ROR1: variants seen among roughly 807,000 people sequenced by gnomAD.
ROR1 encodes the protein ROR family WNT receptor 1.
Under a neutral mutation model 78.8 loss-of-function variants are expected in ROR1, and 19 were observed. That is an observed-to-expected ratio of 0.24 (90% CI 0.17 to 0.35). The LOEUF is 0.35. ROR1 is among the 10% of genes least tolerant of loss of function. The pLI is 1.00. For synonymous variants in ROR1, 386 were observed against 433.6 expected (o/e 0.89, Z 1.36); for missense variants, 917 against 1,177.8 (o/e 0.78, Z 3.24).
intron 2 of ROR1, among the ~76,000 whole-genome samples, chr1:64,024,865 T>A (rs1646595706): frequency 6.6e-6 from 1 of 152,222 alleles, no homozygotes; most frequent in African/African-American, 2.4e-5. Flanking sequence ...TAACTAAGGT[T>A]GAATTTTTTA....
At chr1:63,926,880 A>T (rs1392811587) in intron 1 of ROR1, among the ~76,000 whole-genome samples, 103 of 85,904 alleles carry the variant, frequency 1.2e-3, no homozygotes, top group Non-Finnish European at 1.9e-3. Context: ...ACTTTGCTGA[A>T]GTTGCTTATC....
At chr1:63,876,365 C>A (rs1472465932) in intron 1 of ROR1, among the ~76,000 whole-genome samples, 2 of 152,086 alleles carry the variant, frequency 1.3e-5, no homozygotes, top group Non-Finnish European at 2.9e-5. Flanking sequence ...TACTTCCTCC[C>A]ACCCTGTGCA....
intron 1 of ROR1, among the ~76,000 whole-genome samples, chr1:63,801,446 C>G (rs1371865579): frequency 6.6e-6 from 1 of 152,050 alleles, no homozygotes; most frequent in Admixed American, 6.6e-5. Flanking sequence ...AGGCACCCAC[C>G]ACCACACCTG....
At chr1:63,848,601 G>T (rs1394414673) in intron 1 of ROR1, among the ~76,000 whole-genome samples, 2 of 151,706 alleles carry the variant, frequency 1.3e-5, no homozygotes, top group African/African-American at 4.9e-5. Flanking sequence ...TATTCTTTTT[G>T]CTTAAACTAC....
chr1:63,878,955 T>C lies in ROR1; in HGVS notation c.91+104447T>C, dbSNP rs180805111. Among the ~76,000 whole-genome samples, 702 of 152,220 alleles carry C rather than the reference T, an allele frequency of 4.6e-3. 2 individuals carry two copies. The highest frequency in any genetic ancestry group is 0.017 in the Middle Eastern group (5 of 294). On this transcript the variant is annotated intron_variant, in intron 1 of 8. Coordinates refer to ENST00000371079, the MANE Select transcript of ROR1 (RefSeq NM_005012.4). ...TTTGTTGAATAATTTCATTAATTAA[T>C]TAACCAATTAATTAATTTCCTCTAA...
chr1:63,995,414 C>T (rs568562045), intron 1 of ROR1, among the ~76,000 whole-genome samples: 1 of 152,276 alleles, frequency 6.6e-6, no homozygotes, highest in South Asian at 2.1e-4. Context: ...GAGCTGCCAA[C>T]ACAAGACCCT....
At chr1:63,846,603 A>G (rs1372349701) in intron 1 of ROR1, among the ~76,000 whole-genome samples, 2 of 152,202 alleles carry the variant, frequency 1.3e-5, no homozygotes, top group African/African-American at 2.4e-5. Context: ...ACTGAGATTA[A>G]AAGCATGATC....
intron 4 of ROR1, among the ~76,000 whole-genome samples, chr1:64,111,580 T>A (rs1451064530): frequency 6.6e-6 from 1 of 152,190 alleles, no homozygotes; most frequent in African/African-American, 2.4e-5. Context: ...CCAGTGATGT[T>A]TGCTGCCTTG....
chr1:64,101,565 T>C (rs776178530), intron 4 of ROR1, among the ~76,000 whole-genome samples: 3 of 152,164 alleles, frequency 2.0e-5, no homozygotes, highest in Non-Finnish European at 4.4e-5. Flanking sequence ...CCAGCTCCTG[T>C]TCTAAGAACG....
At chr1:64,111,718 G>T (rs1026286046) in intron 4 of ROR1, among the ~76,000 whole-genome samples, 3 of 152,180 alleles carry the variant, frequency 2.0e-5, no homozygotes, top group African/African-American at 7.2e-5. Context: ...AACAAATGAG[G>T]TGCCACATAG....
chr1:64,172,230 C>T (rs1441706803), intron 8 of ROR1, among the ~76,000 whole-genome samples: 3 of 152,168 alleles, frequency 2.0e-5, no homozygotes, highest in Non-Finnish European at 2.9e-5. Flanking sequence ...TTAGAAAGTA[C>T]TACAATTTTC....
At chr1:64,062,782 C>T (rs1646927354) in intron 4 of ROR1, among the ~76,000 whole-genome samples, 1 of 152,170 alleles carries the variant, frequency 6.6e-6, no homozygotes, top group Non-Finnish European at 1.5e-5. Context: ...AACTGAACCT[C>T]ACAACAAACA....
intron 1 of ROR1, among the ~76,000 whole-genome samples, chr1:63,997,614 G>T (rs1646347650): frequency 6.6e-6 from 1 of 152,068 alleles, no homozygotes; most frequent in East Asian, 1.9e-4. Context: ...TATTTTTACA[G>T]ACATATTATC....
At chr1:63,803,489 C>T (rs534631801) in intron 1 of ROR1, among the ~76,000 whole-genome samples, 39 of 152,084 alleles carry the variant, frequency 2.6e-4, no homozygotes, top group South Asian at 1.0e-3. Context: ...GACTACAAGG[C>T]GTGTGCCACC....
At chr1:63,943,868 A>G (rs927613490) in intron 1 of ROR1, among the ~76,000 whole-genome samples, 3 of 152,266 alleles carry the variant, frequency 2.0e-5, no homozygotes, top group South Asian at 2.1e-4. Context: ...AATACAGCTC[A>G]GACATAATCA....
intron 1 of ROR1, among the ~76,000 whole-genome samples, chr1:63,813,550 G>T (rs1160761808): frequency 1.3e-5 from 2 of 152,158 alleles, no homozygotes; most frequent in Non-Finnish European, 2.9e-5. Flanking sequence ...ACCCCTTATG[G>T]TACCTACCTA....
rs540836277 is a variant in ROR1 at position 64,008,252 on chromosome 1, A to G, written c.92-1053A>G. 7.2e-5 allele frequency among the ~76,000 whole-genome samples: 11 copies of G among 152,268 alleles called. No homozygotes were observed. The East Asian group carries it at 2.1e-3, about 29-fold the overall frequency. On this transcript the variant is annotated intron_variant, in intron 1 of 8. Transcript: ENST00000371079. Reference sequence around the variant, plus strand: ...GCTTCTCTGTTAATTCACTTAGGCTAATGGCCTCCATCTGCATCCATGTTG... The same window carrying G: ...GCTTCTCTGTTAATTCACTTAGGCTGATGGCCTCCATCTGCATCCATGTTG...
intron 7 of ROR1, among the ~76,000 whole-genome samples, chr1:64,151,077 C>G (rs929250621): frequency 1.3e-5 from 2 of 152,202 alleles, no homozygotes; most frequent in African/African-American, 4.8e-5. Flanking sequence ...GCAGGAAACA[C>G]ATGGCACAAG....
chr1:63,877,310 C>T (rs1645293672), intron 1 of ROR1, among the ~76,000 whole-genome samples: 1 of 152,144 alleles, frequency 6.6e-6, no homozygotes, highest in Admixed American at 6.5e-5. Flanking sequence ...AACATAGATT[C>T]AGATGTGCCT....
Sources: gnomAD v4.1 joint callset for allele counts (sites outside exome capture counted in the v4.1 genomes callset) on GRCh38, gnomAD v4.1.1 for gene constraint, MANE v1.5 for transcripts, NCBI Gene and HGNC (gene_info 2026-07-23, HGNC 2026-07-21) for gene names.